The following GRIA4 variants were observed in gnomAD, a reference collection of about 807,000 sequenced individuals.
GRIA4 encodes glutamate ionotropic receptor AMPA type subunit 4.
GRIA4 carries 34 observed loss-of-function variants against 104.0 expected under a neutral mutation model. The observed-to-expected ratio is 0.33, with a 90% CI of 0.25 to 0.44. The LOEUF (loss-of-function observed/expected upper bound fraction) is 0.44. GRIA4 is among the 20% of genes least tolerant of loss of function. The probability of loss-of-function intolerance (pLI) is 1.00; values close to 1 mark genes in which losing one functional copy is unlikely to be tolerated. For missense variants in GRIA4, 750 were observed against 1,096.5 expected, an observed-to-expected ratio of 0.68 and a Z score of 4.46; for synonymous variants, 386 against 381.9, an observed-to-expected ratio of 1.01 and a Z score of -0.13.
At position 105,908,987 on chromosome 11, in the gene GRIA4, T is replaced by C. The variant is rs74692981; in HGVS notation, c.1159-1448T>C. Among the ~76,000 whole-genome samples the C allele has an allele frequency of 5.5e-3, 834 of 152,232 alleles. 8 individuals are homozygous for C. The highest frequency in any genetic ancestry group is 0.019 in the African/African-American group (780 of 41,554). On this transcript the variant is annotated intron_variant, in intron 9 of 16. Coordinates refer to ENST00000282499, the MANE Select transcript of GRIA4 (RefSeq NM_000829.4). ...AATTGAGGAGAGGGTGGGTCTCAAA[T>C]ATATACTTGTTTTAAATTAAAAATT...
intron 3 of GRIA4, among the ~76,000 whole-genome samples, chr11:105,627,557 G>C (rs751496100): frequency 1.3e-5 from 2 of 152,112 alleles, no homozygotes; most frequent in Non-Finnish European, 2.9e-5. Context: ...CTAAGAAGCC[G>C]TTTCCTAGAC....
chr11:105,652,861 G>A, intron 3 of GRIA4, among the ~76,000 whole-genome samples: 1 of 152,014 alleles, frequency 6.6e-6, no homozygotes, highest in East Asian at 1.9e-4. Flanking sequence ...TGGAAGATTT[G>A]TTCTTACTCT....
intron 3 of GRIA4, among the ~76,000 whole-genome samples, chr11:105,716,569 T>C (rs2135562555): frequency 6.6e-6 from 1 of 152,216 alleles, no homozygotes; most frequent in Middle Eastern, 3.4e-3. Flanking sequence ...TAGAAAGCAA[T>C]TGGTGGACAG....
chr11:105,866,551 G>GTATATATATA (rs71041633), intron 5 of GRIA4, among the ~76,000 whole-genome samples: 4,162 of 76,042 alleles, frequency 0.055, 190 homozygotes, highest in Non-Finnish European at 0.061. Context: ...GTGTGTGTGT[G>GTATATATATA]TATATATATA....
At chr11:105,807,737 T>C (rs1943010521) in intron 4 of GRIA4, among the ~76,000 whole-genome samples, 1 of 151,740 alleles carries the variant, frequency 6.6e-6, no homozygotes, top group Admixed American at 6.6e-5. Flanking sequence ...TCCTTCTCTA[T>C]CACAAATTCT....
At chr11:105,642,976 C>T (rs1951414218) in intron 3 of GRIA4, among the ~76,000 whole-genome samples, 2 of 152,176 alleles carry the variant, frequency 1.3e-5, no homozygotes, top group South Asian at 2.1e-4. Flanking sequence ...AAAGCAAACA[C>T]AACCTTCTTC....
Position 105,776,158 on chromosome 11 carries a change from C to T in GRIA4, c.487+22938C>T, listed in dbSNP as rs544274406. Among the ~76,000 whole-genome samples the T allele has an allele frequency of 1.1e-3, 167 of 152,030 alleles. 4 individuals carry two copies. In the South Asian group the frequency reaches 0.034, roughly 31 times the overall value. On this transcript the variant is annotated intron_variant, in intron 4 of 16. Coordinates refer to ENST00000282499, the MANE Select transcript of GRIA4 (RefSeq NM_000829.4). ...TTCAAAGAGGCTAGGGGAGTTGCTA[C>T]AAATTACATAACTACTAAAGAATAA...
chr11:105,733,115 T>C (rs566612056), intron 3 of GRIA4, among the ~76,000 whole-genome samples: 1 of 152,210 alleles, frequency 6.6e-6, no homozygotes, highest in Non-Finnish European at 1.5e-5. Context: ...AGATATATCA[T>C]ATACCTGAAA....
chr11:105,925,841 T>C (rs1236648769), intron 12 of GRIA4, among the ~76,000 whole-genome samples: 1 of 152,080 alleles, frequency 6.6e-6, no homozygotes, highest in Non-Finnish European at 1.5e-5. Context: ...GAAATCATTC[T>C]TCAAGTTTTA....
At chr11:105,881,940 G>C (rs529562472) in intron 5 of GRIA4, among the ~76,000 whole-genome samples, 2 of 152,196 alleles carry the variant, frequency 1.3e-5, no homozygotes, top group African/African-American at 4.8e-5. Flanking sequence ...TATCTTACAA[G>C]GTTGTAGTTT....
intron 3 of GRIA4, among the ~76,000 whole-genome samples, chr11:105,752,187 A>G (rs1940036809): frequency 6.6e-6 from 1 of 152,144 alleles, no homozygotes; most frequent in Non-Finnish European, 1.5e-5. Context: ...TTTTGTAGCA[A>G]CTGGGAGCAT....
intron 14 of GRIA4, among the ~76,000 whole-genome samples, chr11:105,938,840 T>C (rs1351643409): frequency 6.6e-6 from 1 of 152,170 alleles, no homozygotes; most frequent in East Asian, 1.9e-4. Context: ...AAGGTATCAA[T>C]GCCACTTGTG....
chr11:105,900,865 A>G (rs1946829947), intron 7 of GRIA4, among the ~76,000 whole-genome samples: 1 of 152,206 alleles, frequency 6.6e-6, no homozygotes, highest in Non-Finnish European at 1.5e-5. Flanking sequence ...GGCATGAGCC[A>G]CTGCGCCTGG....
intron 4 of GRIA4, among the ~76,000 whole-genome samples, chr11:105,817,488 A>T (rs532965564): frequency 6.8e-4 from 103 of 151,806 alleles, no homozygotes; most frequent in African/African-American, 2.4e-3. Flanking sequence ...AATAGTTTTT[A>T]AATTTTTTTT....
chr11:105,686,494 C>CCCA (rs1952887371), intron 3 of GRIA4, among the ~76,000 whole-genome samples: 1 of 152,156 alleles, frequency 6.6e-6, no homozygotes, highest in Non-Finnish European at 1.5e-5. Flanking sequence ...AGTAGGTTGA[C>CCCA]TGCATGTCTT....
At chr11:105,616,169 T>A (rs1950594800) in intron 3 of GRIA4, among the ~76,000 whole-genome samples, 1 of 151,764 alleles carries the variant, frequency 6.6e-6, no homozygotes, top group Non-Finnish European at 1.5e-5. Flanking sequence ...ACTAATTGAT[T>A]AATATTTTTC....
intron 3 of GRIA4, among the ~76,000 whole-genome samples, chr11:105,672,709 C>G (rs149945512): frequency 7.9e-5 from 12 of 152,028 alleles, no homozygotes; most frequent in Admixed American, 7.9e-4. Context: ...TGCATTGGCA[C>G]CTTTCATTTT....
Position 105,979,681 on chromosome 11 carries a change from C to T in GRIA4, c.2651C>T (p.Thr884Ile). Residue 884 changes from threonine (T) to isoleucine (I), a missense_variant, in exon 17 of 17, where the codon ACT (threonine) becomes ATT (isoleucine). This residue lies in a region of GRIA4 where 68 missense variants were observed against 69.3 expected (regional missense o/e 0.98). Transcript: ENST00000282499. ...LTPDCPKAVH[T>I]GTAIRQSSGL... ...CCTGACTGCCCAAAGGCTGTACACA[C>T]TGGAACTGCAATCAGACAAAGTTCA... 4 of 1,613,862 alleles carry T rather than the reference C, an allele frequency of 2.5e-6. No homozygotes were observed.
chr11:105,900,030 T>C (rs1489366494), intron 7 of GRIA4, among the ~76,000 whole-genome samples: 1 of 152,168 alleles, frequency 6.6e-6, no homozygotes, highest in Non-Finnish European at 1.5e-5. Flanking sequence ...GACACTTGTT[T>C]ACAGTATGAG....
Sources: gnomAD v4.1 joint callset for allele counts (sites outside exome capture counted in the v4.1 genomes callset) on GRCh38, gnomAD v4.1.1 for gene constraint, gnomAD v4.1.1 regional missense constraint, MANE v1.5 for transcripts, NCBI Gene and HGNC (gene_info 2026-07-23, HGNC 2026-07-21) for gene names.